The following TRNAU1AP variants were observed in gnomAD, a reference collection of about 807,000 sequenced individuals.
The protein encoded by TRNAU1AP is tRNA selenocysteine 1 associated protein 1.
TRNAU1AP carries 33 observed loss-of-function variants against 43.3 expected under a neutral mutation model. The observed-to-expected ratio is 0.76, with a 90% confidence interval of 0.58 to 1.02. TRNAU1AP has a LOEUF of 1.02. Among genes scored for constraint, TRNAU1AP ranks in the 50% least tolerant of loss-of-function variants. TRNAU1AP has a pLI of 0.00. For synonymous variants in TRNAU1AP, 143 were observed against 129.1 expected, an observed-to-expected ratio of 1.11 and a Z score of -0.73; for missense variants, 290 against 362.7, an observed-to-expected ratio of 0.80 and a Z score of 1.63.
rs563296420 is a variant in TRNAU1AP at position 28,577,740 on chromosome 1, A to G, written c.*104A>G. ...GAAATATGATTTGTAAGATTTTAAT[A>G]ATGACTGTTTTTGGAGATCATGAAT... On this transcript the variant is annotated 3_prime_UTR_variant, in exon 9 of 9. Transcript: ENST00000373830. 105 of 1,278,534 alleles carry G rather than the reference A, an allele frequency of 8.2e-5. No individual in the cohort carries two copies. The East Asian group carries it at 1.0e-3, about 13-fold the overall frequency. The allele number at this position is 1,278,534 out of a possible 1,614,324, so 79.2% of individuals were successfully genotyped here. A position where few individuals can be genotyped will look rare whatever the true frequency, so the allele number is the denominator to read the frequency against.
chr1:28,571,067 G>GAAA, intron 6 of TRNAU1AP, 109 bp from the exon 7 acceptor site: 1 of 1,014,548 alleles, frequency 9.9e-7, no homozygotes, highest in Non-Finnish European at 1.4e-6. Flanking sequence ...TCTGTCTCAA[G>GAAA]AAAAAAAAAA....
intron 8 of TRNAU1AP, among the ~76,000 whole-genome samples, chr1:28,575,105 C>T (rs1017328968): frequency 6.6e-6 from 1 of 152,118 alleles, no homozygotes; most frequent in Non-Finnish European, 1.5e-5. Flanking sequence ...GATAATTAGC[C>T]TCATAATATC....
chr1:28,577,952 GAGTTCAAGGTTTCT>G lies in TRNAU1AP; in HGVS notation c.*317_*330del. ...TGGGATAATTCACACACTAAAGCCT[GAGTTCAAGGTTTCT>G]CAGTTGACAGGTAGGTATGTAAATC... On this transcript the variant is annotated 3_prime_UTR_variant, in exon 9 of 9. Transcript: ENST00000373830. 4.8e-6 allele frequency: 1 copy of G among 206,392 alleles called. No individual in the cohort carries two copies. The highest frequency in any genetic ancestry group is 9.7e-6 in the Non-Finnish European group (1 of 102,710). 12.8% of individuals were successfully genotyped at this position (206,392 alleles called of 1,614,324 possible).
rs531854497 is a variant in TRNAU1AP at position 28,553,332 on chromosome 1, G to A, written c.27+195G>A. The A allele has an allele frequency of 6.4e-4, 462 of 727,216 alleles. 5 individuals carry two copies. The South Asian group carries it at 8.5e-3, about 13-fold the overall frequency. 45.0% of individuals were successfully genotyped at this position (727,216 alleles called of 1,614,324 possible). On this transcript the variant is annotated intron_variant, in intron 1 of 8. Coordinates refer to ENST00000373830, the MANE Select transcript of TRNAU1AP (RefSeq NM_017846.5). ...AGTCCGTGAGGCTAGGGGTCCTGGG[G>A]CCCCACCTGGGTTCGTGGGAGGGAA...
At chr1:28,563,946 T>C (rs1283800251) in intron 4 of TRNAU1AP, among the ~76,000 whole-genome samples, 1 of 152,138 alleles carries the variant, frequency 6.6e-6, no homozygotes. Context: ...AACTTTGGCC[T>C]GATTTGTATC....
At position 28,577,687 on chromosome 1, in the gene TRNAU1AP, C is replaced by A. The variant is rs931575030; in HGVS notation, c.*51C>A. On this transcript the variant is annotated 3_prime_UTR_variant, in exon 9 of 9. Coordinates refer to ENST00000373830, the MANE Select transcript of TRNAU1AP (RefSeq NM_017846.5). ...CATGATGTGAGGGAGATGAGAGACT[C>A]CTTTTTAAAAATTGTGAAACCTTTT... 2.0e-6 allele frequency: 3 copies of A among 1,537,464 alleles called. No individual in the cohort carries two copies. Among genetic ancestry groups the A allele is most frequent in the African/African-American group, 1.4e-5 (1 of 71,518 alleles).
At position 28,571,303 on chromosome 1, in the gene TRNAU1AP, T is replaced by G; in HGVS notation, c.658T>G (p.Tyr220Asp). Residue 220 changes from tyrosine (Y) to aspartate (D), a missense_variant, in exon 7 of 9, where the codon TAC becomes GAC. This residue lies in a region of TRNAU1AP where 174 missense variants were observed against 262.1 expected (regional missense o/e 0.66). Coordinates refer to ENST00000373830, the MANE Select transcript of TRNAU1AP (RefSeq NM_017846.5). ...GAACACAGGCAGCTACAGCTACAGT[T>G]ACCCCCAGTATGGCTATACCCAGAG... ...DQNTGSYSYS[Y>D]PQYGYTQSTM... 1.9e-6 allele frequency: 3 copies of G among 1,613,954 alleles called. No individual in the cohort carries two copies. Among genetic ancestry groups the G allele is most frequent in the Non-Finnish European group, 2.5e-6 (3 of 1,179,908 alleles).
rs200753691 is a variant in TRNAU1AP at position 28,567,427 on chromosome 1, G to A, written c.530+14G>A. On this transcript the variant is annotated intron_variant, in intron 6 of 8. Coordinates refer to ENST00000373830, the MANE Select transcript of TRNAU1AP (RefSeq NM_017846.5). ...AATCCCTAAAGCGTGAGTCCTGCAG[G>A]GAAGGTAGAGAGACTCTAGACTCCC... 10 of 1,588,572 alleles carry A rather than the reference G, an allele frequency of 6.3e-6. No individual in the cohort carries two copies. The highest frequency in any genetic ancestry group is 7.7e-6 in the Non-Finnish European group (9 of 1,173,058).
chr1:28,561,836 G>A (rs1665411595), intron 4 of TRNAU1AP, among the ~76,000 whole-genome samples: 1 of 152,166 alleles, frequency 6.6e-6, no homozygotes, highest in African/African-American at 2.4e-5. Flanking sequence ...ACTTTGGGAG[G>A]CCAAGGCGGG....
intron 4 of TRNAU1AP, among the ~76,000 whole-genome samples, chr1:28,563,251 A>C (rs1258469857): frequency 6.6e-6 from 1 of 151,698 alleles, no homozygotes; most frequent in Non-Finnish European, 1.5e-5. Flanking sequence ...ACCTGAAATA[A>C]GATAATAACA....
intron 8 of TRNAU1AP, 108 bp from the exon 9 acceptor site, chr1:28,577,392 C>A: frequency 8.1e-7 from 1 of 1,230,504 alleles, no homozygotes; most frequent in Non-Finnish European, 1.1e-6. Context: ...AAGAAACTGG[C>A]AGGATAGGGA....
chr1:28,559,268 C>T (rs1048474467), intron 2 of TRNAU1AP, among the ~76,000 whole-genome samples: 1 of 151,936 alleles, frequency 6.6e-6, no homozygotes, highest in Non-Finnish European at 1.5e-5. Flanking sequence ...TGTATAAAAG[C>T]CAACCTCTTT....
At chr1:28,561,264 A>G (rs1245408371) in intron 3 of TRNAU1AP, 82 bp from the exon 4 acceptor site, 12 of 1,580,472 alleles carry the variant, frequency 7.6e-6, no homozygotes, top group South Asian at 1.1e-5. Context: ...GGCCAAGGTA[A>G]TTTATTTCAG....
chr1:28,554,181 A>C (rs1294887858), intron 2 of TRNAU1AP: 1 of 149,674 alleles, frequency 6.7e-6, no homozygotes, highest in Non-Finnish European at 1.5e-5. Flanking sequence ...TTGGACAACA[A>C]GAGCAAAACA....
chr1:28,564,137 G>A (rs909983889), intron 4 of TRNAU1AP, among the ~76,000 whole-genome samples: 3 of 152,036 alleles, frequency 2.0e-5, no homozygotes, highest in African/African-American at 4.8e-5. Flanking sequence ...GTGGTGGTGC[G>A]CACCTGTTAT....
At chr1:28,556,095 G>A (rs1223637892) in intron 2 of TRNAU1AP, among the ~76,000 whole-genome samples, 2 of 151,932 alleles carry the variant, frequency 1.3e-5, no homozygotes, top group African/African-American at 4.8e-5. Context: ...CTCGTGATCC[G>A]CCTGCCTTGG....
chr1:28,560,087 G>A (rs1281123898), intron 2 of TRNAU1AP, among the ~76,000 whole-genome samples: 1 of 152,044 alleles, frequency 6.6e-6, no homozygotes, highest in Non-Finnish European at 1.5e-5. Context: ...AGCTGAGATC[G>A]AGATGATATC....
chr1:28,570,561 T>G (rs1665643032), intron 6 of TRNAU1AP, among the ~76,000 whole-genome samples: 1 of 131,814 alleles, frequency 7.6e-6, no homozygotes, highest in Non-Finnish European at 1.5e-5. Flanking sequence ...TTTTGTTTTG[T>G]TTTTTTTTTT....
At chr1:28,555,465 T>C (rs1328730494) in intron 2 of TRNAU1AP, among the ~76,000 whole-genome samples, 3 of 152,100 alleles carry the variant, frequency 2.0e-5, no homozygotes, top group Non-Finnish European at 4.4e-5. Context: ...ATTATCAATT[T>C]GTCAGTGTTT....
Sources: gnomAD v4.1 joint callset for allele counts (sites outside exome capture counted in the v4.1 genomes callset) on GRCh38, gnomAD v4.1.1 for gene constraint, gnomAD v4.1.1 regional missense constraint, MANE v1.5 for transcripts, NCBI Gene and HGNC (gene_info 2026-07-23, HGNC 2026-07-21) for gene names.